Variants in GULP1 observed in about 807,000 individuals in gnomAD.
GULP1 encodes the protein PTB domain-containing engulfment adapter protein 1.
In GULP1, 19 loss-of-function variants were observed where a neutral mutation model predicts 40.9. The observed-to-expected ratio is 0.46, with a 90% confidence interval of 0.32 to 0.68. GULP1 has a LOEUF of 0.68. Among genes scored for constraint, GULP1 ranks in the 30% least tolerant of loss-of-function variants. GULP1 has a pLI of 0.03. For missense variants in GULP1, 312 were observed against 362.2 expected, an observed-to-expected ratio of 0.86 and a Z score of 1.12; for synonymous variants, 119 against 117.6, an observed-to-expected ratio of 1.01 and a Z score of -0.08.
intron 2 of GULP1, among the ~76,000 whole-genome samples, chr2:188,473,467 T>G (rs2060760103): frequency 1.3e-5 from 2 of 152,190 alleles, no homozygotes; most frequent in South Asian, 4.1e-4. Context: ...TCTATTGTAC[T>G]GTGGCTGAGC....
intron 2 of GULP1, among the ~76,000 whole-genome samples, chr2:188,426,929 A>G (rs536031273): frequency 1.8e-4 from 28 of 152,208 alleles, no homozygotes; most frequent in Non-Finnish European, 3.2e-4. Context: ...AAATGCTGAC[A>G]GTGATATGAA....
rs1345958947 is a variant in GULP1 at position 188,501,223 on chromosome 2, G to A, written c.90+17731G>A. Reference sequence around the variant, plus strand: ...GGTGGGAGGTGATTGGATCATGGGGGCAGTTTCCCCCATGCTGTTCTCATG... The same window carrying A: ...GGTGGGAGGTGATTGGATCATGGGGACAGTTTCCCCCATGCTGTTCTCATG... On this transcript the variant is annotated intron_variant, in intron 4 of 11. Transcript: ENST00000409830. Among the ~76,000 whole-genome samples, 4 of 151,858 alleles carry A rather than the reference G, an allele frequency of 2.6e-5. No individual in the cohort carries two copies. The South Asian group carries it at 8.3e-4, about 31-fold the overall frequency.
At chr2:188,530,598 C>T (rs1012505959) in intron 6 of GULP1, among the ~76,000 whole-genome samples, 10 of 152,192 alleles carry the variant, frequency 6.6e-5, no homozygotes, top group Non-Finnish European at 1.0e-4. Context: ...ACCAGGGATA[C>T]GTACACTCAG....
At chr2:188,566,096 A>G (rs564765047) in intron 7 of GULP1, among the ~76,000 whole-genome samples, 1 of 152,218 alleles carries the variant, frequency 6.6e-6, no homozygotes, top group East Asian at 1.9e-4. Context: ...TGGAGATTAT[A>G]TATCTTATAT....
At chr2:188,494,541 C>G (rs953382073) in intron 4 of GULP1, among the ~76,000 whole-genome samples, 2 of 152,026 alleles carry the variant, frequency 1.3e-5, no homozygotes, top group Non-Finnish European at 1.5e-5. Context: ...GTGTCAACTG[C>G]TATAGGCCAC....
intron 4 of GULP1, among the ~76,000 whole-genome samples, chr2:188,519,598 A>G (rs1329172553): frequency 1.3e-5 from 2 of 152,206 alleles, no homozygotes; most frequent in Admixed American, 1.3e-4. Flanking sequence ...ATGTATTCAG[A>G]ACTAAATAGT....
chr2:188,588,602 G>T (rs1203142568), intron 11 of GULP1: 6 of 152,054 alleles, frequency 3.9e-5, no homozygotes, highest in Non-Finnish European at 7.3e-5. Context: ...CTTTATATTT[G>T]CCCTTTACAT....
At chr2:188,388,130 G>A (rs2050028575) in intron 2 of GULP1, among the ~76,000 whole-genome samples, 4 of 151,282 alleles carry the variant, frequency 2.6e-5, no homozygotes. Context: ...AACATGCGGT[G>A]TTTGGTTTTT....
In GULP1 at chr2:188,465,971, A is replaced by ATGTG. The variant is rs139512748; in HGVS notation, c.-44-11670_-44-11667dup. Among the ~76,000 whole-genome samples the ATGTG allele has an allele frequency of 4.9e-3, 728 of 148,970 alleles. 9 individuals carry two copies. The highest frequency in any genetic ancestry group is 0.017 in the African/African-American group (685 of 40,788). On this transcript the variant is annotated intron_variant, in intron 2 of 11. Transcript: ENST00000409830. ...CTTATGAAGGTGTGTGTGTGTGTAT[A>ATGTG]TGTGTGTGTGTGTGTGTGTGTAGAT...
intron 1 of GULP1, among the ~76,000 whole-genome samples, chr2:188,367,603 AG>A (rs1383406707): frequency 6.6e-6 from 1 of 152,106 alleles, no homozygotes; most frequent in Non-Finnish European, 1.5e-5. Context: ...TTCTGGAGGG[AG>A]GGTGTGACAA....
chr2:188,364,991 G>A (rs2046599245), intron 1 of GULP1, among the ~76,000 whole-genome samples: 1 of 151,754 alleles, frequency 6.6e-6, no homozygotes, highest in African/African-American at 2.4e-5. Flanking sequence ...TCCACCACTG[G>A]AGTGGTTGGA....
intron 2 of GULP1, among the ~76,000 whole-genome samples, chr2:188,419,081 G>A (rs981321853): frequency 1.3e-5 from 2 of 152,066 alleles, no homozygotes; most frequent in South Asian, 4.1e-4. Context: ...ATTTTTAAAC[G>A]TATATGCCAC....
intron 7 of GULP1, among the ~76,000 whole-genome samples, chr2:188,557,649 T>G (rs563618787): frequency 6.6e-6 from 1 of 152,310 alleles, no homozygotes; most frequent in South Asian, 2.1e-4. Flanking sequence ...GGGTGCAAAC[T>G]CTCAGTGGAT....
intron 1 of GULP1, among the ~76,000 whole-genome samples, chr2:188,382,770 C>T (rs2049163970): frequency 6.6e-6 from 1 of 152,134 alleles, no homozygotes. Context: ...GTTGTATTCC[C>T]AGCTACTCGG....
At chr2:188,495,192 C>T (rs1009782878) in intron 4 of GULP1, among the ~76,000 whole-genome samples, 9 of 152,016 alleles carry the variant, frequency 5.9e-5, no homozygotes, top group African/African-American at 2.2e-4. Flanking sequence ...GAGATTTGGT[C>T]AATTAATGGG....
chr2:188,350,115 T>G (rs1046826955), intron 1 of GULP1, among the ~76,000 whole-genome samples: 3 of 152,184 alleles, frequency 2.0e-5, no homozygotes, highest in Admixed American at 1.3e-4. Flanking sequence ...ACTTTAGCTT[T>G]GTAGTACATT....
chr2:188,420,510 A>C (rs2055249433), intron 2 of GULP1, among the ~76,000 whole-genome samples: 1 of 152,188 alleles, frequency 6.6e-6, no homozygotes, highest in Non-Finnish European at 1.5e-5. Context: ...CAGGAGCATT[A>C]CAGCTCTTTC....
At chr2:188,519,338 T>A (rs986542686) in intron 4 of GULP1, among the ~76,000 whole-genome samples, 2 of 152,212 alleles carry the variant, frequency 1.3e-5, no homozygotes, top group Admixed American at 6.5e-5. Context: ...ATTTTTCCCC[T>A]ATGGCCTTAT....
At chr2:188,420,004 A>G (rs1453511328) in intron 2 of GULP1, among the ~76,000 whole-genome samples, 2 of 152,050 alleles carry the variant, frequency 1.3e-5, no homozygotes, top group Non-Finnish European at 2.9e-5. Context: ...AATTGACTAT[A>G]TTTGTATGGG....
Sources: gnomAD v4.1 joint callset for allele counts (sites outside exome capture counted in the v4.1 genomes callset) on GRCh38, gnomAD v4.1.1 for gene constraint, MANE v1.5 for transcripts, NCBI Gene and HGNC (gene_info 2026-07-23, HGNC 2026-07-21) for gene names.